Variants in ANKS1B observed in about 807,000 individuals in gnomAD.
The protein encoded by ANKS1B is ankyrin repeat and sterile alpha motif domain-containing protein 1B.
A neutral mutation model predicts 148.3 loss-of-function variants in ANKS1B; 36 were observed. The ratio of observed to expected loss-of-function variants is 0.24; its 90% confidence interval spans 0.19 to 0.32. The LOEUF (loss-of-function observed/expected upper bound fraction) is 0.32, where lower values mean the gene tolerates loss of function less well. Ranked by LOEUF, ANKS1B falls within the 10% of genes least tolerant of loss-of-function variation. ANKS1B has a pLI of 1.00. For missense variants in ANKS1B, 1,157 were observed against 1,542.6 expected (o/e 0.75, Z 4.19); for synonymous variants, 542 against 560.8 (o/e 0.97, Z 0.47).
intron 17 of ANKS1B, among the ~76,000 whole-genome samples, chr12:98,944,634 C>T (rs1302793075): frequency 1.3e-5 from 2 of 152,144 alleles, no homozygotes; most frequent in African/African-American, 2.4e-5. Context: ...TATCATGTCC[C>T]TATCCCAACT....
At chr12:99,500,534 C>A (rs781029033) in intron 10 of ANKS1B, among the ~76,000 whole-genome samples, 6 of 152,148 alleles carry the variant, frequency 3.9e-5, no homozygotes, top group Non-Finnish European at 7.4e-5. Context: ...CCCTGACAAG[C>A]CCTGTCAAAC....
chr12:98,989,963 TA>T (rs902311623), intron 17 of ANKS1B, among the ~76,000 whole-genome samples: 9 of 93,416 alleles, frequency 9.6e-5, no homozygotes, highest in Non-Finnish European at 1.4e-4. Flanking sequence ...GGAAAGAAAA[TA>T]AAAAAAAGAA....
At chr12:99,410,933 T>C (rs1213248580) in intron 11 of ANKS1B, among the ~76,000 whole-genome samples, 1 of 152,222 alleles carries the variant, frequency 6.6e-6, no homozygotes, top group Non-Finnish European at 1.5e-5. Flanking sequence ...GGCAGATTCT[T>C]ACAGGAATGC....
chr12:99,661,920 A>C (rs1278555588), intron 8 of ANKS1B, among the ~76,000 whole-genome samples: 1 of 152,100 alleles, frequency 6.6e-6, no homozygotes, highest in Admixed American at 6.6e-5. Context: ...CTGCTGATTG[A>C]ATGCTAATGA....
chr12:99,665,738 A>G (rs1408900729), intron 8 of ANKS1B, among the ~76,000 whole-genome samples: 1 of 152,138 alleles, frequency 6.6e-6, no homozygotes, highest in East Asian at 1.9e-4. Flanking sequence ...CGCCCGCCTC[A>G]GCCTCCCAAA....
chr12:99,245,091 G>C (rs1488349552), intron 13 of ANKS1B, among the ~76,000 whole-genome samples: 2 of 152,150 alleles, frequency 1.3e-5, no homozygotes, highest in African/African-American at 2.4e-5. Flanking sequence ...CTGGCCTCAA[G>C]TGATCTACCT....
chr12:99,105,345 G>A (rs1045766327), intron 15 of ANKS1B, among the ~76,000 whole-genome samples: 2 of 151,948 alleles, frequency 1.3e-5, no homozygotes. Context: ...TGTGGGGCAG[G>A]AACAGTAAAC....
chr12:99,391,472 C>A (rs999760338), intron 12 of ANKS1B, among the ~76,000 whole-genome samples: 1 of 152,178 alleles, frequency 6.6e-6, no homozygotes, highest in Non-Finnish European at 1.5e-5. Flanking sequence ...AATCTTCCTT[C>A]CCCACCTTGG....
At chr12:99,471,749 G>C (rs1304592130) in intron 10 of ANKS1B, among the ~76,000 whole-genome samples, 3 of 151,882 alleles carry the variant, frequency 2.0e-5, no homozygotes, top group Non-Finnish European at 2.9e-5. Flanking sequence ...TAAAAAATAT[G>C]TTGCTGCTAC....
At chr12:98,834,297 T>C (rs906837219) in intron 17 of ANKS1B, among the ~76,000 whole-genome samples, 10 of 152,204 alleles carry the variant, frequency 6.6e-5, no homozygotes, top group African/African-American at 2.4e-4. Flanking sequence ...GCTGAAAAAA[T>C]GGCTCACAAT....
intron 16 of ANKS1B, among the ~76,000 whole-genome samples, chr12:99,059,950 G>A (rs1341917108): frequency 6.6e-6 from 1 of 151,962 alleles, no homozygotes; most frequent in Non-Finnish European, 1.5e-5. Flanking sequence ...GGCAAGACAG[G>A]GCTAGGAAGT....
At chr12:99,849,342 A>G (rs2087284725) in intron 1 of ANKS1B, among the ~76,000 whole-genome samples, 1 of 152,144 alleles carries the variant, frequency 6.6e-6, no homozygotes, top group Non-Finnish European at 1.5e-5. Flanking sequence ...GCAAATTACT[A>G]TCACAGTGAG....
At chr12:98,851,493 A>C (rs909436048) in intron 17 of ANKS1B, among the ~76,000 whole-genome samples, 2 of 152,158 alleles carry the variant, frequency 1.3e-5, no homozygotes, top group African/African-American at 2.4e-5. Flanking sequence ...TTATGGTTTC[A>C]AAATTTTACT....
intron 17 of ANKS1B, among the ~76,000 whole-genome samples, chr12:99,006,892 G>A (rs893942632): frequency 6.6e-6 from 1 of 152,002 alleles, no homozygotes; most frequent in Non-Finnish European, 1.5e-5. Flanking sequence ...AAGGCACTGA[G>A]TTAAAACGAC....
At chr12:98,947,171 G>A (rs528705294) in intron 17 of ANKS1B, among the ~76,000 whole-genome samples, 1 of 152,220 alleles carries the variant, frequency 6.6e-6, no homozygotes, top group Admixed American at 6.5e-5. Flanking sequence ...CAGTGCAGAA[G>A]CATTTTGTTT....
rs117783177 is a variant in ANKS1B, at chr12:99,966,479, C to A, written c.134+17625G>T. Among the ~76,000 whole-genome samples the A allele has an allele frequency of 4.5e-3, 688 of 152,230 alleles. 3 individuals are homozygous for A. Among genetic ancestry groups the A allele is most frequent in the Non-Finnish European group, 6.8e-3 (461 of 68,022 alleles). On this transcript the variant is annotated intron_variant, in intron 1 of 26. Transcript: ENST00000683438. ...GAATTACCTGAACCTGACTCATGGT[C>A]GGATTTAGATCTGATGTATGATGGG...
At chr12:98,761,797 C>T (rs764858563) in intron 25 of ANKS1B, among the ~76,000 whole-genome samples, 7 of 152,078 alleles carry the variant, frequency 4.6e-5, no homozygotes, top group African/African-American at 1.7e-4. Context: ...TCTCATCTGG[C>T]GAATATGACG....
intron 1 of ANKS1B, among the ~76,000 whole-genome samples, chr12:99,859,443 C>A (rs2089700378): frequency 6.6e-6 from 1 of 152,154 alleles, no homozygotes; most frequent in Non-Finnish European, 1.5e-5. Flanking sequence ...GTACTGTTAG[C>A]TTTGCTAGGA....
At chr12:99,843,060 T>C (rs1285211158) in intron 1 of ANKS1B, among the ~76,000 whole-genome samples, 1 of 152,146 alleles carries the variant, frequency 6.6e-6, no homozygotes, top group African/African-American at 2.4e-5. Flanking sequence ...TTTGTTTGTT[T>C]GTATTAAGGC....
Sources: gnomAD v4.1 joint callset for allele counts (sites outside exome capture counted in the v4.1 genomes callset) on GRCh38, gnomAD v4.1.1 for gene constraint, MANE v1.5 for transcripts, NCBI Gene and HGNC (gene_info 2026-07-23, HGNC 2026-07-21) for gene names.